Variants in TAF12 observed in about 807,000 individuals in gnomAD.
TAF12 encodes transcription initiation factor TFIID subunit 12.
TAF12 carries 3 observed loss-of-function variants against 20.8 expected under a neutral mutation model. That is an observed-to-expected ratio of 0.14 (90% confidence interval 0.07 to 0.37). The LOEUF (loss-of-function observed/expected upper bound fraction) is 0.37, where lower values mean the gene tolerates loss of function less well. Among genes scored for constraint, TAF12 ranks in the 10% least tolerant of loss-of-function variants. TAF12 has a pLI of 1.00. For synonymous variants in TAF12, 69 were observed against 70.2 expected (o/e 0.98, Z 0.09); for missense variants, 131 against 197.9 (o/e 0.66, Z 2.03).
At chr1:28,622,654 TGAAGTG>T (rs1182537797) in intron 1 of TAF12, among the ~76,000 whole-genome samples, 1 of 152,052 alleles carries the variant, frequency 6.6e-6, no homozygotes, top group African/African-American at 2.4e-5. Context: ...GTTGGGTGCC[TGAAGTG>T]GAAGGACCAC....
At chr1:28,641,280 G>A (rs1051000761) in intron 1 of TAF12, among the ~76,000 whole-genome samples, 1 of 151,910 alleles carries the variant, frequency 6.6e-6, no homozygotes, top group Non-Finnish European at 1.5e-5. Flanking sequence ...TCAGGAGTTC[G>A]AAACACAGCC....
chr1:28,626,011 C>T (rs1667371647), intron 1 of TAF12, among the ~76,000 whole-genome samples: 1 of 151,498 alleles, frequency 6.6e-6, no homozygotes, highest in Non-Finnish European at 1.5e-5. Flanking sequence ...GACGGAGTCT[C>T]ACTGTGTCCC....
intron 4 of TAF12, among the ~76,000 whole-genome samples, chr1:28,610,746 G>A (rs941749591): frequency 1.3e-5 from 2 of 151,992 alleles, no homozygotes; most frequent in East Asian, 1.9e-4. Flanking sequence ...AGGATCAGGC[G>A]GTCAGGAGTT....
At chr1:28,644,737 A>G (rs1015958229), upstream of TAF12, among the ~76,000 whole-genome samples, 1 of 152,244 alleles carries the variant, frequency 6.6e-6, no homozygotes, top group Non-Finnish European at 1.5e-5. Context: ...TCAAGGACCA[A>G]GATGGCCAAG....
chr1:28,620,578 G>A (rs1053526809), intron 2 of TAF12, among the ~76,000 whole-genome samples: 2 of 152,096 alleles, frequency 1.3e-5, no homozygotes, highest in Non-Finnish European at 2.9e-5. Flanking sequence ...TGGGACTACA[G>A]GCGCCTGCCA....
In TAF12 at chr1:28,608,405, C is replaced by T. The variant is rs535887385; in HGVS notation, c.362-2945G>A. Among the ~76,000 whole-genome samples the T allele has an allele frequency of 1.6e-3, 247 of 151,406 alleles. 1 individual carries two copies. Among genetic ancestry groups the T allele is most frequent in the African/African-American group, 5.6e-3 (233 of 41,262 alleles). On this transcript the variant is annotated intron_variant, in intron 4 of 5. Transcript: ENST00000373824. The stretch of plus-strand genomic sequence containing the variant: ...GGTTGCAGACAAAGGTTATTCTCTA[C>T]GAATTGAACTTTACAGTCAACAAAA...
intron 4 of TAF12, among the ~76,000 whole-genome samples, chr1:28,612,849 G>A (rs188087239): frequency 6.6e-6 from 1 of 152,108 alleles, no homozygotes; most frequent in Non-Finnish European, 1.5e-5. Context: ...GCATGGTGAA[G>A]ACATAACAGT....
Position 28,605,360 on chromosome 1 carries a change from G to A in TAF12, c.450+12C>T, listed in dbSNP as rs1403108567. 6.2e-7 allele frequency: 1 copy of A among 1,613,758 alleles called. No homozygotes were observed. Among genetic ancestry groups the A allele is most frequent in the Non-Finnish European group, 8.5e-7 (1 of 1,179,898 alleles). ...AGCCCTGGCTGTCCCCAGGGCTCTG[G>A]CATTTCCTCACCTGTTTGTGAGCTT... On this transcript the variant is annotated intron_variant, in intron 5 of 5. Transcript: ENST00000373824.
chr1:28,633,559 T>C (rs1171045789), intron 1 of TAF12, among the ~76,000 whole-genome samples: 1 of 150,270 alleles, frequency 6.7e-6, no homozygotes, highest in African/African-American at 2.4e-5. Flanking sequence ...GGCAGATCAC[T>C]TGAGGTCAGG....
chr1:28,631,561 G>A (rs948000351), intron 1 of TAF12, among the ~76,000 whole-genome samples: 2 of 152,062 alleles, frequency 1.3e-5, no homozygotes, highest in African/African-American at 4.8e-5. Context: ...TGGGCATGAT[G>A]GCTCATGCAT....
chr1:28,622,874 T>C (rs1667265295), intron 1 of TAF12, among the ~76,000 whole-genome samples: 1 of 151,222 alleles, frequency 6.6e-6, no homozygotes, highest in Admixed American at 6.6e-5. Flanking sequence ...TACAAAAAAA[T>C]TGGCTAGGCG....
chr1:28,623,274 C>A (rs1221829111), intron 1 of TAF12, among the ~76,000 whole-genome samples: 2 of 151,990 alleles, frequency 1.3e-5, no homozygotes, highest in Non-Finnish European at 2.9e-5. Context: ...GTAATCCCAG[C>A]ACTTTGGGAG....
Position 28,608,411 on chromosome 1 carries a change from G to A in TAF12, c.362-2951C>T, listed in dbSNP as rs1666743013. ...AGACAAAGGTTATTCTCTACGAATTGAACTTTACAGTCAACAAAAAGTAGA... is the reference window on the plus strand; with the variant it reads ...AGACAAAGGTTATTCTCTACGAATTAAACTTTACAGTCAACAAAAAGTAGA... On this transcript the variant is annotated intron_variant, in intron 4 of 5. Coordinates refer to ENST00000373824, the MANE Select transcript of TAF12 (RefSeq NM_005644.4). 4.0e-5 allele frequency among the ~76,000 whole-genome samples: 6 copies of A among 151,718 alleles called. 1 individual carries two copies. In the South Asian group the frequency reaches 1.2e-3, roughly 32 times the overall value.
intron 1 of TAF12, among the ~76,000 whole-genome samples, chr1:28,622,937 C>T (rs1667266964): frequency 6.6e-6 from 1 of 150,792 alleles, no homozygotes; most frequent in Non-Finnish European, 1.5e-5. Flanking sequence ...TGAGGCAGGA[C>T]AATCACTTGA....
At chr1:28,634,832 G>C (rs1383225384) in intron 1 of TAF12, among the ~76,000 whole-genome samples, 3 of 151,998 alleles carry the variant, frequency 2.0e-5, no homozygotes, top group Non-Finnish European at 4.4e-5. Flanking sequence ...GGGAAGCTGA[G>C]GCAGGAGAAT....
chr1:28,603,796 A>C (rs1179752323), intron 5 of TAF12, among the ~76,000 whole-genome samples: 7 of 152,220 alleles, frequency 4.6e-5, no homozygotes, highest in Admixed American at 3.9e-4. Context: ...TCATCCACCA[A>C]ACTGCTCTAG....
chr1:28,614,405 C>T (rs2124316642), intron 3 of TAF12, among the ~76,000 whole-genome samples: 1 of 151,792 alleles, frequency 6.6e-6, no homozygotes, highest in Non-Finnish European at 1.5e-5. Context: ...CTCTAAGGGC[C>T]AGGCACAGTG....
At chr1:28,619,272 T>A (rs948364607) in intron 2 of TAF12, among the ~76,000 whole-genome samples, 14 of 151,444 alleles carry the variant, frequency 9.2e-5, no homozygotes, top group Non-Finnish European at 1.5e-4. Context: ...GGTGAGCGGA[T>A]CACGAGGTGA....
chr1:28,603,650 A>G, intron 5 of TAF12, 76 bp from the exon 6 acceptor site: 2 of 1,498,594 alleles, frequency 1.3e-6, no homozygotes, highest in Non-Finnish European at 1.9e-6. Flanking sequence ...CTGTGTGGCT[A>G]GCAGGCCTCA....
Sources: allele counts gnomAD v4.1 joint callset (sites outside exome capture counted in the v4.1 genomes callset), GRCh38; gene constraint gnomAD v4.1.1; transcripts MANE v1.5; gene names NCBI Gene and HGNC (gene_info 2026-07-23, HGNC 2026-07-21).